Variants in TEAD1 observed in about 807,000 individuals in gnomAD.
The protein encoded by TEAD1 is transcriptional enhancer factor TEF-1.
A neutral mutation model predicts 54.9 loss-of-function variants in TEAD1; 9 were observed. The observed-to-expected ratio is 0.16, with a 90% CI of 0.10 to 0.29. The LOEUF (loss-of-function observed/expected upper bound fraction) is 0.29, where lower values mean the gene tolerates loss of function less well. TEAD1 is among the 10% of genes least tolerant of loss of function. TEAD1 has a pLI of 1.00. For synonymous variants in TEAD1, 200 were observed against 187.8 expected, an observed-to-expected ratio of 1.07 and a Z score of -0.53; for missense variants, 387 against 535.9, an observed-to-expected ratio of 0.72 and a Z score of 2.74.
At chr11:12,833,865 A>G (rs781303669) in intron 3 of TEAD1, among the ~76,000 whole-genome samples, 5 of 152,114 alleles carry the variant, frequency 3.3e-5, no homozygotes, top group Non-Finnish European at 7.4e-5. Flanking sequence ...GAATTTCTCA[A>G]ACCAAATTAG....
intron 3 of TEAD1, among the ~76,000 whole-genome samples, chr11:12,794,988 G>T (rs1945885136): frequency 6.6e-6 from 1 of 152,156 alleles, no homozygotes; most frequent in Admixed American, 6.5e-5. Flanking sequence ...GTATCTAATT[G>T]TCTTAGTTTC....
At chr11:12,863,841 C>T (rs924844331) in intron 4 of TEAD1, among the ~76,000 whole-genome samples, 3 of 152,036 alleles carry the variant, frequency 2.0e-5, no homozygotes, top group African/African-American at 4.8e-5. Flanking sequence ...AAGCTGGGCT[C>T]GGCTACATTT....
chr11:12,935,593 G>A (rs1385215570), intron 12 of TEAD1, among the ~76,000 whole-genome samples: 1 of 152,072 alleles, frequency 6.6e-6, no homozygotes, highest in African/African-American at 2.4e-5. Flanking sequence ...CTGAGTAGCT[G>A]GGATTACAGG....
intron 2 of TEAD1, among the ~76,000 whole-genome samples, chr11:12,752,099 A>G (rs896843697): frequency 2.6e-5 from 4 of 152,056 alleles, no homozygotes; most frequent in African/African-American, 9.7e-5. Flanking sequence ...ATAACCCTTC[A>G]TATGCTGATG....
At chr11:12,829,290 G>A (rs1021234809) in intron 3 of TEAD1, among the ~76,000 whole-genome samples, 4 of 152,114 alleles carry the variant, frequency 2.6e-5, no homozygotes, top group South Asian at 2.1e-4. Context: ...AAACATACGT[G>A]AGAGAATGAA....
Position 12,893,956 on chromosome 11 carries a change from G to A in TEAD1, c.700-7984G>A, listed in dbSNP as rs553031854. Among the ~76,000 whole-genome samples, 6 of 152,246 alleles carry A rather than the reference G, an allele frequency of 3.9e-5. No homozygotes were observed. In the South Asian group the frequency reaches 6.2e-4, roughly 16 times the overall value. ...CGGGAACCTGTCTTGGCTTGGCTCC[G>A]CAGCCATTCCCTGTCCCCCCAGGGG... On this transcript the variant is annotated intron_variant, in intron 9 of 12. Coordinates refer to ENST00000527636, the MANE Select transcript of TEAD1 (RefSeq NM_021961.6).
intron 10 of TEAD1, among the ~76,000 whole-genome samples, chr11:12,913,116 T>A (rs1051485441): frequency 1.3e-5 from 2 of 152,112 alleles, no homozygotes; most frequent in African/African-American, 4.8e-5. Context: ...TCAGACCCAG[T>A]TTTGCAAGGC....
chr11:12,763,003 T>G lies in TEAD1; in HGVS notation c.-54-1176T>G, dbSNP rs141871836. On this transcript the variant is annotated intron_variant, in intron 2 of 12. Coordinates refer to ENST00000527636, the MANE Select transcript of TEAD1 (RefSeq NM_021961.6). ...ACCCTCCCTACTCAGGCCCTTGGCC[T>G]CCTCTTTTCGATCAATCCTTTCTCT... Among the ~76,000 whole-genome samples, 53 of 152,328 alleles carry G rather than the reference T, an allele frequency of 3.5e-4. No individual in the cohort carries two copies. In the East Asian group the frequency reaches 9.6e-3, roughly 28 times the overall value.
intron 2 of TEAD1, among the ~76,000 whole-genome samples, chr11:12,751,033 G>A (rs1396823432): frequency 6.6e-6 from 1 of 152,170 alleles, no homozygotes; most frequent in African/African-American, 2.4e-5. Context: ...TGACTGGGCT[G>A]GGTGAGGTGG....
chr11:12,758,395 C>T (rs1451886820), intron 2 of TEAD1, among the ~76,000 whole-genome samples: 2 of 146,710 alleles, frequency 1.4e-5, no homozygotes, highest in Admixed American at 6.7e-5. Flanking sequence ...CCTGTCATCA[C>T]GCCCAGCTAG....
At chr11:12,742,370 C>G (rs553005679) in intron 2 of TEAD1, among the ~76,000 whole-genome samples, 2 of 152,054 alleles carry the variant, frequency 1.3e-5, no homozygotes, top group Non-Finnish European at 2.9e-5. Context: ...AAGTAAAGTT[C>G]TGGACTCTAA....
chr11:12,851,008 G>A, intron 3 of TEAD1: 8 of 889,238 alleles, frequency 9.0e-6, no homozygotes, highest in Non-Finnish European at 1.1e-5. Flanking sequence ...CAGATTTCAG[G>A]TGATATTGGC....
intron 7 of TEAD1, 40 bp from the exon 8 acceptor site, chr11:12,881,856 T>C: frequency 6.2e-7 from 1 of 1,607,536 alleles, no homozygotes; most frequent in Non-Finnish European, 8.5e-7. Flanking sequence ...CTGCTGCAGA[T>C]GCGATCTCTT....
intron 2 of TEAD1, among the ~76,000 whole-genome samples, chr11:12,743,064 C>T (rs868046972): frequency 6.6e-6 from 1 of 152,218 alleles, no homozygotes. Flanking sequence ...ATAGAGACCT[C>T]TTGTTTGTCC....
intron 2 of TEAD1, among the ~76,000 whole-genome samples, chr11:12,685,923 G>C (rs1337213675): frequency 6.6e-6 from 1 of 152,152 alleles, no homozygotes; most frequent in Non-Finnish European, 1.5e-5. Context: ...CAAGTTTCAG[G>C]CTCTGCTCTA....
intron 3 of TEAD1, among the ~76,000 whole-genome samples, chr11:12,820,695 G>A (rs1053379628): frequency 1.3e-5 from 2 of 151,982 alleles, no homozygotes; most frequent in Non-Finnish European, 2.9e-5. Flanking sequence ...CAGGGGACAG[G>A]ACTAGAAGGG....
At chr11:12,775,994 T>TA (rs1478593606) in intron 3 of TEAD1, among the ~76,000 whole-genome samples, 1 of 151,912 alleles carries the variant, frequency 6.6e-6, no homozygotes, top group Non-Finnish European at 1.5e-5. Flanking sequence ...CCGGGGAAGT[T>TA]ACGGCAGGGT....
chr11:12,759,687 C>T (rs1487285713), intron 2 of TEAD1, among the ~76,000 whole-genome samples: 2 of 152,112 alleles, frequency 1.3e-5, no homozygotes, highest in Non-Finnish European at 2.9e-5. Context: ...ATGGTGAAAC[C>T]CTGTCTCTAC....
At position 12,885,234 on chromosome 11, in the gene TEAD1, C is replaced by CT. The variant is rs10549378; in HGVS notation, c.699+2128dup. 3.5e-3 allele frequency among the ~76,000 whole-genome samples: 365 copies of CT among 105,024 alleles called. 4 individuals are homozygous for CT. Among genetic ancestry groups the CT allele is most frequent in the South Asian group, 7.1e-3 (24 of 3,382 alleles). The allele number at this position is 105,024 out of a possible 152,430, so 68.9% of individuals were successfully genotyped here. A position where few individuals can be genotyped will look rare whatever the true frequency, so the allele number is the denominator to read the frequency against. On this transcript the variant is annotated intron_variant, in intron 9 of 12. Transcript: ENST00000527636. ...CAGTTTTGAGGGTCTCTTGAATTGT[C>CT]TTTTTTTTTTTTTTTTTTTGAGACA...
Sources: allele counts gnomAD v4.1 joint callset (sites outside exome capture counted in the v4.1 genomes callset), GRCh38; gene constraint gnomAD v4.1.1; transcripts MANE v1.5; gene names NCBI Gene and HGNC (gene_info 2026-07-23, HGNC 2026-07-21).